Variants in EPHA5 observed in about 807,000 individuals in gnomAD.
EPHA5 encodes the protein ephrin type-A receptor 5.
A neutral mutation model predicts 105.0 loss-of-function variants in EPHA5; 60 were observed. That is an observed-to-expected ratio of 0.57 (90% CI 0.46 to 0.71). The LOEUF (loss-of-function observed/expected upper bound fraction) is 0.71. Among genes scored for constraint, EPHA5 ranks in the 30% least tolerant of loss-of-function variants. The probability of loss-of-function intolerance (pLI) is 0.00; values close to 1 mark genes in which losing one functional copy is unlikely to be tolerated. For synonymous variants in EPHA5, 513 were observed against 449.1 expected (o/e 1.14, Z -1.80); for missense variants, 1,218 against 1,274.7 (o/e 0.96, Z 0.68).
chr4:65,500,748 T>C (rs57324704), intron 3 of EPHA5, among the ~76,000 whole-genome samples: 23,470 of 150,122 alleles, frequency 0.16, 1,924 homozygotes, highest in East Asian at 0.2. Flanking sequence ...ATATATATAA[T>C]AATTACTGTT....
intron 5 of EPHA5, among the ~76,000 whole-genome samples, chr4:65,423,230 C>T (rs1274354156): frequency 6.6e-6 from 1 of 151,976 alleles, no homozygotes; most frequent in Non-Finnish European, 1.5e-5. Context: ...AGGTAAATTG[C>T]AAATCCTATT....
At chr4:65,549,671 A>C (rs1057024869) in intron 3 of EPHA5, among the ~76,000 whole-genome samples, 2 of 152,164 alleles carry the variant, frequency 1.3e-5, no homozygotes, top group Admixed American at 6.6e-5. Flanking sequence ...GAAAAGACAA[A>C]AAATTGAATT....
chr4:65,546,596 T>C (rs1236355024), intron 3 of EPHA5, among the ~76,000 whole-genome samples: 1 of 152,056 alleles, frequency 6.6e-6, no homozygotes, highest in East Asian at 1.9e-4. Context: ...TGTCCACTGA[T>C]TTTTAACGTG....
chr4:65,431,179 T>C (rs570105816), intron 5 of EPHA5, among the ~76,000 whole-genome samples: 2 of 152,162 alleles, frequency 1.3e-5, no homozygotes, highest in Non-Finnish European at 2.9e-5. Context: ...CTCCGCATGC[T>C]GCACCATAGA....
At chr4:65,348,699 AAATATATATGTGTGTGT>A (rs1722488141) in intron 13 of EPHA5, among the ~76,000 whole-genome samples, 11 of 21,026 alleles carry the variant, frequency 5.2e-4, no homozygotes, top group African/African-American at 8.3e-4. Flanking sequence ...TATATATATA[AAATATATATGTGTGTGT>A]ATATATATGT....
intron 1 of EPHA5, among the ~76,000 whole-genome samples, chr4:65,666,211 A>G (rs1209256720): frequency 2.0e-5 from 3 of 152,152 alleles, no homozygotes; most frequent in Non-Finnish European, 4.4e-5. Context: ...ACTTTCTTAA[A>G]CATACAAAAC....
intron 4 of EPHA5, among the ~76,000 whole-genome samples, chr4:65,493,445 G>C (rs1238116046): frequency 3.3e-5 from 5 of 151,980 alleles, no homozygotes; most frequent in Non-Finnish European, 5.9e-5. Flanking sequence ...AGAGCCAAAG[G>C]CAAAGTGAAG....
chr4:65,417,616 CA>C (rs1245004075), intron 6 of EPHA5, among the ~76,000 whole-genome samples: 8 of 151,746 alleles, frequency 5.3e-5, no homozygotes, highest in African/African-American at 1.9e-4. Flanking sequence ...ACCTTTTTCC[CA>C]AGTCATTTTT....
intron 5 of EPHA5, among the ~76,000 whole-genome samples, chr4:65,459,361 T>G (rs2149126933): frequency 6.6e-6 from 1 of 152,108 alleles, no homozygotes; most frequent in African/African-American, 2.4e-5. Flanking sequence ...TATGGGAAAC[T>G]ACTTTTCCAT....
intron 2 of EPHA5, 71 bp from the exon 3 acceptor site, chr4:65,602,375 T>C: frequency 7.9e-7 from 1 of 1,262,754 alleles, no homozygotes; most frequent in Non-Finnish European, 1.1e-6. Flanking sequence ...ATAGCAAAAA[T>C]TATAAAAGAA....
chr4:65,526,325 C>T (rs962837950), intron 3 of EPHA5, among the ~76,000 whole-genome samples: 4 of 151,728 alleles, frequency 2.6e-5, no homozygotes, highest in African/African-American at 7.3e-5. Context: ...ACAAATAGTT[C>T]AAGGTCTAGA....
intron 3 of EPHA5, among the ~76,000 whole-genome samples, chr4:65,597,098 G>T (rs1743268465): frequency 6.6e-6 from 1 of 152,078 alleles, no homozygotes; most frequent in African/African-American, 2.4e-5. Flanking sequence ...CAATTAATAA[G>T]TACTTTTTCT....
chr4:65,339,187 G>A (rs913132265), intron 14 of EPHA5, among the ~76,000 whole-genome samples: 2 of 151,970 alleles, frequency 1.3e-5, no homozygotes, highest in African/African-American at 4.8e-5. Flanking sequence ...TTGATGGCAG[G>A]GTGGCTCTCT....
intron 3 of EPHA5, among the ~76,000 whole-genome samples, chr4:65,499,661 T>C (rs1732285892): frequency 6.6e-6 from 1 of 151,516 alleles, no homozygotes; most frequent in Non-Finnish European, 1.5e-5. Context: ...GCCTACAAGT[T>C]TCCAAGTAAT....
intron 15 of EPHA5, among the ~76,000 whole-genome samples, chr4:65,335,662 T>C (rs879602473): frequency 7.2e-5 from 11 of 152,154 alleles, no homozygotes; most frequent in Admixed American, 3.9e-4. Flanking sequence ...TTTAATTTTT[T>C]TTTATGCTAC....
chr4:65,504,153 A>G (rs921476710), intron 3 of EPHA5, among the ~76,000 whole-genome samples: 1 of 151,410 alleles, frequency 6.6e-6, no homozygotes, highest in Admixed American at 6.6e-5. Flanking sequence ...GTTTTATCAC[A>G]TAGTATCAAT....
At chr4:65,466,938 G>A (rs1426637709) in intron 5 of EPHA5, among the ~76,000 whole-genome samples, 2 of 152,120 alleles carry the variant, frequency 1.3e-5, no homozygotes, top group Non-Finnish European at 2.9e-5. Flanking sequence ...CACTGCACTT[G>A]AGCATATAGT....
chr4:65,476,547 A>G (rs1336482096), intron 5 of EPHA5, among the ~76,000 whole-genome samples: 2 of 152,140 alleles, frequency 1.3e-5, no homozygotes. Flanking sequence ...TCATTGACAT[A>G]AAGGTGGCAA....
At position 65,367,273 on chromosome 4, in the gene EPHA5, A is replaced by G. The variant is rs565267158; in HGVS notation, c.1861+84T>C. ...AAACAATATTTTGGTCAGTTATTAT[A>G]AATCTTGTAGCCTGAAAAGAAACTT... On this transcript the variant is annotated intron_variant, in intron 9 of 16. Coordinates refer to ENST00000613740, the MANE Select transcript of EPHA5 (RefSeq NM_001281766.3). 1.6e-5 allele frequency: 19 copies of G among 1,192,770 alleles called. 1 individual carries two copies. In the South Asian group the frequency reaches 2.5e-4, roughly 15 times the overall value. The allele number at this position is 1,192,770 out of a possible 1,614,324, so 73.9% of individuals were successfully genotyped here. A position where few individuals can be genotyped will look rare whatever the true frequency, so the allele number is the denominator to read the frequency against.
Sources: allele counts gnomAD v4.1 joint callset (sites outside exome capture counted in the v4.1 genomes callset), GRCh38; gene constraint gnomAD v4.1.1; transcripts MANE v1.5; gene names NCBI Gene and HGNC (gene_info 2026-07-23, HGNC 2026-07-21).